The following ARID1B variants were observed in gnomAD, a reference collection of about 807,000 sequenced individuals.
ARID1B encodes AT-rich interactive domain-containing protein 1B.
Under a neutral mutation model 212.3 loss-of-function variants are expected in ARID1B, and 30 were observed. The ratio of observed to expected loss-of-function variants is 0.14; its 90% CI spans 0.11 to 0.19. The LOEUF is 0.19. Among genes scored for constraint, ARID1B ranks in the 10% least tolerant of loss-of-function variants. The pLI is 1.00. For synonymous variants in ARID1B, 1,402 were observed against 1,301.7 expected (o/e 1.08, Z -1.66); for missense variants, 2,891 against 3,204.0 (o/e 0.90, Z 2.36).
intron 4 of ARID1B, among the ~76,000 whole-genome samples, chr6:156,966,482 C>T (rs996984556): frequency 7.3e-5 from 11 of 150,482 alleles, no homozygotes; most frequent in African/African-American, 2.5e-4. Flanking sequence ...CAACCTCCGC[C>T]TCCCGGGTTC....
intron 4 of ARID1B, among the ~76,000 whole-genome samples, chr6:157,028,410 T>G (rs1780803729): frequency 6.6e-6 from 1 of 152,202 alleles, no homozygotes; most frequent in Non-Finnish European, 1.5e-5. Flanking sequence ...GTATTAGTGT[T>G]TTCTAATTTA....
At chr6:156,979,135 T>C (rs750310306) in intron 4 of ARID1B, among the ~76,000 whole-genome samples, 17 of 152,234 alleles carry the variant, frequency 1.1e-4, no homozygotes, top group Admixed American at 4.6e-4. Flanking sequence ...TGCAGTTCTG[T>C]TATTACTGTT....
chr6:156,858,887 A>G (rs1029394070), intron 2 of ARID1B, among the ~76,000 whole-genome samples: 2 of 152,204 alleles, frequency 1.3e-5, no homozygotes, highest in South Asian at 4.1e-4. Context: ...TGTGTAGGGC[A>G]CTTAACTGTG....
At position 157,167,023 on chromosome 6, in the gene ARID1B, G is replaced by A. The variant is rs1791370280; in HGVS notation, c.3090-17G>A. The stretch of plus-strand genomic sequence containing the variant: ...TGCATGGTCGGTATATGTGTGCTGT[G>A]CTTTCTCTTCCTGTAGGCAAGGCAG... On this transcript the variant is annotated splice_polypyrimidine_tract_variant and intron_variant, in intron 8 of 19. Transcript: ENST00000636930. 1.9e-6 allele frequency: 3 copies of A among 1,608,210 alleles called. No homozygotes were observed. The African/African-American group carries it at 4.0e-5, about 21-fold the overall frequency.
chr6:156,876,626 C>T (rs1477410119), intron 2 of ARID1B, among the ~76,000 whole-genome samples: 1 of 152,188 alleles, frequency 6.6e-6, no homozygotes, highest in Non-Finnish European at 1.5e-5. Context: ...GTTTTTCCCT[C>T]ACTACCCTCC....
At chr6:156,927,630 G>A (rs1238582976) in intron 3 of ARID1B, among the ~76,000 whole-genome samples, 1 of 152,200 alleles carries the variant, frequency 6.6e-6, no homozygotes, top group Non-Finnish European at 1.5e-5. Context: ...GTAACAAACA[G>A]CAAAATGTGT....
intron 4 of ARID1B, among the ~76,000 whole-genome samples, chr6:157,010,116 A>G (rs1311533002): frequency 1.3e-5 from 2 of 152,144 alleles, no homozygotes; most frequent in Non-Finnish European, 2.9e-5. Context: ...GGGAACCTAA[A>G]GTGATCACAC....
chr6:157,197,510 C>T (rs777707929), intron 16 of ARID1B, among the ~76,000 whole-genome samples: 2 of 152,222 alleles, frequency 1.3e-5, no homozygotes, highest in Non-Finnish European at 2.9e-5. Flanking sequence ...CTTGAGAGTC[C>T]ATCCCATGTT....
At position 156,778,418 on chromosome 6, in the gene ARID1B, G is replaced by A. The variant is rs1778846439; in HGVS notation, c.738G>A (p.Lys246=). 6.5e-7 allele frequency: 1 copy of A among 1,527,606 alleles called. No individual in the cohort carries two copies. The highest frequency in any genetic ancestry group is 1.2e-5 in the South Asian group (1 of 83,226). The allele number at this position is 1,527,606 out of a possible 1,614,324, so 94.6% of individuals were successfully genotyped here. A position where few individuals can be genotyped will look rare whatever the true frequency, so the allele number is the denominator to read the frequency against. The change falls in exon 1 of 20, where the codon AAG becomes AAA. Residue 246 remains lysine (K), a synonymous_variant. Coordinates refer to ENST00000636930, the MANE Select transcript of ARID1B (RefSeq NM_001374828.1). ...DMEQPQHGGA[K]DSAAGGQADP... ...AGCAGCCGCAACATGGAGGCGCCAA[G>A]GACAGTGCTGCGGGCGGCCAGGCCG...
chr6:157,160,597 G>A lies in ARID1B; in HGVS notation c.3090-6443G>A, dbSNP rs1354910028. Among the ~76,000 whole-genome samples the A allele has an allele frequency of 2.0e-5, 3 of 152,132 alleles. No individual in the cohort carries two copies. The East Asian group carries it at 5.8e-4, about 29-fold the overall frequency. ...CTTCCCAGCATGGCCAGAGAACAAT[G>A]TCTTTAAAATAAACATATTTTAATG... On this transcript the variant is annotated intron_variant, in intron 8 of 19. Transcript: ENST00000636930.
intron 4 of ARID1B, among the ~76,000 whole-genome samples, chr6:157,035,417 G>A (rs1383552100): frequency 6.6e-6 from 1 of 152,142 alleles, no homozygotes; most frequent in Non-Finnish European, 1.5e-5. Context: ...ATGTTGATTA[G>A]AGGTTTTAAT....
intron 8 of ARID1B, among the ~76,000 whole-genome samples, chr6:157,156,477 C>T (rs1790582222): frequency 6.6e-6 from 1 of 152,048 alleles, no homozygotes; most frequent in South Asian, 2.1e-4. Context: ...TTATGGAAGC[C>T]ATAAAGTGCA....
intron 4 of ARID1B, among the ~76,000 whole-genome samples, chr6:157,028,730 A>C (rs1780823768): frequency 6.6e-6 from 1 of 152,172 alleles, no homozygotes; most frequent in Admixed American, 6.5e-5. Context: ...CCACTGTCTC[A>C]AGAAAATTAT....
At position 156,872,810 on chromosome 6, in the gene ARID1B, G is replaced by A. The variant is rs528309015; in HGVS notation, c.1987-28566G>A. Among the ~76,000 whole-genome samples the A allele has an allele frequency of 2.1e-4, 32 of 151,456 alleles. No individual in the cohort carries two copies. In the East Asian group the frequency reaches 3.9e-3, roughly 19 times the overall value. ...CCACGCTGTGGAGTGGATGTTGTTC[G>A]TGAGCCTGCTGGCGTGGTCATTGGT... On this transcript the variant is annotated intron_variant, in intron 2 of 19. Transcript: ENST00000636930.
chr6:157,170,744 C>T (rs1035362271), intron 9 of ARID1B, among the ~76,000 whole-genome samples: 7 of 152,186 alleles, frequency 4.6e-5, no homozygotes, highest in African/African-American at 1.2e-4. Context: ...CCAGGGTACT[C>T]GCTGGCCCCA....
At chr6:157,026,489 G>C (rs965429113) in intron 4 of ARID1B, among the ~76,000 whole-genome samples, 4 of 152,138 alleles carry the variant, frequency 2.6e-5, no homozygotes, top group Admixed American at 6.5e-5. Context: ...ACTTGGTCTA[G>C]AGGAGTATGC....
At chr6:156,776,244 G>A (rs1778616198), upstream of ARID1B, 1 of 151,896 alleles carries the variant, frequency 6.6e-6, no homozygotes. Context: ...ATGTTACTAG[G>A]GGACAATGCA....
intron 3 of ARID1B, among the ~76,000 whole-genome samples, chr6:156,904,818 A>C (rs2128217166): frequency 6.6e-6 from 1 of 152,360 alleles, no homozygotes; most frequent in Middle Eastern, 3.4e-3. Flanking sequence ...CAGTCACACA[A>C]GTATTTTAAA....
At chr6:156,915,662 C>T (rs560452473) in intron 3 of ARID1B, among the ~76,000 whole-genome samples, 1 of 151,388 alleles carries the variant, frequency 6.6e-6, no homozygotes, top group Non-Finnish European at 1.5e-5. Flanking sequence ...TTGGGAGGCC[C>T]AGGCGGGCAG....
Sources: allele counts gnomAD v4.1 joint callset (sites outside exome capture counted in the v4.1 genomes callset), GRCh38; gene constraint gnomAD v4.1.1; transcripts MANE v1.5; gene names NCBI Gene and HGNC (gene_info 2026-07-23, HGNC 2026-07-21).